CMC1: variants seen among roughly 807,000 people sequenced by gnomAD.
CMC1 encodes COX assembly mitochondrial protein homolog.
In CMC1, 14 loss-of-function variants were observed where a neutral mutation model predicts 14.1. The ratio of observed to expected loss-of-function variants is 0.99; its 90% CI spans 0.66 to 1.55. CMC1 has a LOEUF of 1.55. Ranked by LOEUF, CMC1 falls within the 40% of genes most tolerant of loss-of-function variation. The probability of loss-of-function intolerance (pLI) is 0.00; values close to 1 mark genes in which losing one functional copy is unlikely to be tolerated. For missense variants in CMC1, 127 were observed against 123.8 expected (o/e 1.03, Z -0.12); for synonymous variants, 50 against 38.4 (o/e 1.30, Z -1.12).
chr3:28,279,570 A>C (rs1700763251), intron 2 of CMC1, among the ~76,000 whole-genome samples: 1 of 152,128 alleles, frequency 6.6e-6, no homozygotes, highest in African/African-American at 2.4e-5. Flanking sequence ...ACCATAAGGG[A>C]AAATATGTTT....
chr3:28,252,227 A>G (rs1699166452), intron 1 of CMC1, among the ~76,000 whole-genome samples: 1 of 152,178 alleles, frequency 6.6e-6, no homozygotes, highest in Non-Finnish European at 1.5e-5. Context: ...GCTATTGGGA[A>G]ATGGGCACAT....
At chr3:28,274,463 G>T (rs1177768380) in intron 2 of CMC1, among the ~76,000 whole-genome samples, 1 of 152,036 alleles carries the variant, frequency 6.6e-6, no homozygotes. Flanking sequence ...GGCTTGTAAG[G>T]TTTTTGCTGA....
chr3:28,265,293 A>G lies in CMC1; in HGVS notation c.109+1913A>G, dbSNP rs145873294. 5.8e-4 allele frequency among the ~76,000 whole-genome samples: 88 copies of G among 152,238 alleles called. 1 individual carries two copies. Among genetic ancestry groups the G allele is most frequent in the African/African-American group, 2.0e-3 (82 of 41,580 alleles). ...GATTCAAAACAATATTTTAGAATCT[A>G]AAATTGATAAGAGAATAAGAAGTCT... is the stretch of plus-strand genomic sequence containing the variant. On this transcript the variant is annotated intron_variant, in intron 2 of 3. Transcript: ENST00000466830.
In CMC1 at chr3:28,322,561, C is replaced by T. The variant is rs1449542882; in HGVS notation, c.*2932C>T. 1 of 151,468 alleles carries T rather than the reference C, an allele frequency of 6.6e-6. No homozygotes were observed. Among genetic ancestry groups the T allele is most frequent in the Non-Finnish European group, 1.5e-5 (1 of 67,368 alleles). The allele number at this position is 151,468 out of a possible 1,614,324, so 9.4% of individuals were successfully genotyped here. A position where few individuals can be genotyped will look rare whatever the true frequency, so the allele number is the denominator to read the frequency against. On this transcript the variant is annotated 3_prime_UTR_variant, in exon 4 of 4. Transcript: ENST00000466830. The stretch of plus-strand genomic sequence containing the variant: ...GCCACATGAGAAATAGTTTTTGCTG[C>T]TTTGTTATTACACAGGTAGTTGCTT...
chr3:28,321,360 TAGCCCA>T lies in CMC1; in HGVS notation c.*1732_*1737del, dbSNP rs1703184275. 3 of 151,590 alleles carry T rather than the reference TAGCCCA, an allele frequency of 2.0e-5. No individual in the cohort carries two copies. In the South Asian group the frequency reaches 6.2e-4, roughly 31 times the overall value. 9.4% of individuals were successfully genotyped at this position (151,590 alleles called of 1,614,324 possible). A position where few individuals can be genotyped will look rare whatever the true frequency, so the allele number is the denominator to read the frequency against. Reference sequence around the variant, plus strand: ...TTATAGCTTTGATTAAAATCAGAAGTAGCCCACTTCATGTAGAAAATTCACTTATGT... The same window carrying T: ...TTATAGCTTTGATTAAAATCAGAAGTCTTCATGTAGAAAATTCACTTATGT... On this transcript the variant is annotated 3_prime_UTR_variant, in exon 4 of 4. Transcript: ENST00000466830.
intron 1 of CMC1, among the ~76,000 whole-genome samples, chr3:28,257,278 C>T (rs1699464395): frequency 1.3e-5 from 2 of 152,086 alleles, no homozygotes; most frequent in Non-Finnish European, 2.9e-5. Context: ...TATATAACCA[C>T]TGTTGTAATT....
At position 28,324,493 on chromosome 3, in the gene CMC1, C is replaced by T. The variant is rs779589060; in HGVS notation, c.*4864C>T. The T allele has an allele frequency of 5.0e-6, 7 of 1,401,784 alleles. No homozygotes were observed. Among genetic ancestry groups the T allele is most frequent in the Non-Finnish European group, 6.6e-6 (7 of 1,065,430 alleles). 86.8% of individuals were successfully genotyped at this position (1,401,784 alleles called of 1,614,324 possible). On this transcript the variant is annotated 3_prime_UTR_variant, in exon 4 of 4. Coordinates refer to ENST00000466830, the MANE Select transcript of CMC1 (RefSeq NM_182523.2). Reference sequence around the variant, plus strand: ...ACAGACTAAATGTCAGTTTTCATTACATTTGTGATCATAAAATTCGATAAC... The same window carrying T: ...ACAGACTAAATGTCAGTTTTCATTATATTTGTGATCATAAAATTCGATAAC...
At chr3:28,263,085 G>A in intron 1 of CMC1, 1 of 488,836 alleles carries the variant, frequency 2.0e-6, no homozygotes, top group Admixed American at 4.2e-5. Context: ...CATGTTGCTT[G>A]TATTCCTCAC....
chr3:28,307,863 A>G (rs2125591808), intron 2 of CMC1, among the ~76,000 whole-genome samples: 1 of 152,358 alleles, frequency 6.6e-6, no homozygotes, highest in South Asian at 2.1e-4. Context: ...TCAAGGTGTT[A>G]GCAGAGCTGT....
intron 2 of CMC1, 136 bp downstream of exon 2, chr3:28,263,516 G>A (rs1699840970): frequency 1.9e-6 from 1 of 533,148 alleles, no homozygotes; most frequent in Non-Finnish European, 3.3e-6. Context: ...TGAAATACCA[G>A]TATTTCAGCT....
At chr3:28,303,554 A>T (rs1702161461) in intron 2 of CMC1, among the ~76,000 whole-genome samples, 1 of 152,138 alleles carries the variant, frequency 6.6e-6, no homozygotes, top group Non-Finnish European at 1.5e-5. Flanking sequence ...CCTTTACTAA[A>T]CTGAAGAGAT....
At chr3:28,318,423 C>G (rs933699632) in intron 3 of CMC1, 4 of 151,820 alleles carry the variant, frequency 2.6e-5, no homozygotes, top group Non-Finnish European at 4.4e-5. Context: ...TTCCCAAAAT[C>G]TCTTTGTACT....
At chr3:28,308,813 T>C (rs1702467913) in intron 2 of CMC1, among the ~76,000 whole-genome samples, 2 of 151,980 alleles carry the variant, frequency 1.3e-5, no homozygotes, top group Non-Finnish European at 2.9e-5. Flanking sequence ...TGAAACCCCA[T>C]CTCTACTAAA....
At position 28,276,510 on chromosome 3, in the gene CMC1, C is replaced by T. The variant is rs187589627; in HGVS notation, c.109+13130C>T. ...ATTTTATTGTTCTAATCTTCCTAGA[C>T]ATTAACTTTGAATTATTTTGCTATA... On this transcript the variant is annotated intron_variant, in intron 2 of 3. Transcript: ENST00000466830. Among the ~76,000 whole-genome samples, 36 of 152,288 alleles carry T rather than the reference C, an allele frequency of 2.4e-4. No individual in the cohort carries two copies. In the East Asian group the frequency reaches 6.6e-3, roughly 28 times the overall value.
intron 1 of CMC1, among the ~76,000 whole-genome samples, chr3:28,258,499 T>C (rs1699543755): frequency 6.6e-6 from 1 of 151,860 alleles, no homozygotes; most frequent in Non-Finnish European, 1.5e-5. Context: ...TTTTTTTTTT[T>C]TTCCATGTTA....
chr3:28,312,248 C>G (rs1273839881), intron 2 of CMC1, among the ~76,000 whole-genome samples: 2 of 152,010 alleles, frequency 1.3e-5, no homozygotes, highest in Admixed American at 1.3e-4. Flanking sequence ...CATTAAAGTA[C>G]TGAAAAGTTA....
rs57499697 is a variant in CMC1, at chr3:28,309,821, CCACACA to C, written c.110-6477_110-6472del. ...CCTTTTCTCCTGCAGCTGATATTTA[CCACACA>C]CACACACACACACACACACACACAC... On this transcript the variant is annotated intron_variant, in intron 2 of 3. Transcript: ENST00000466830. Among the ~76,000 whole-genome samples the C allele has an allele frequency of 8.1e-3, 1,067 of 131,848 alleles. 10 individuals carry two copies. Among genetic ancestry groups the C allele is most frequent in the Admixed American group, 0.031 (403 of 12,826 alleles). 86.5% of individuals were successfully genotyped at this position (131,848 alleles called of 152,430 possible). A position where few individuals can be genotyped will look rare whatever the true frequency, so the allele number is the denominator to read the frequency against.
At chr3:28,273,131 A>G (rs1403517397) in intron 2 of CMC1, among the ~76,000 whole-genome samples, 1 of 152,178 alleles carries the variant, frequency 6.6e-6, no homozygotes, top group Non-Finnish European at 1.5e-5. Context: ...GGTAGAATTC[A>G]GCTCTAAAAC....
intron 2 of CMC1, among the ~76,000 whole-genome samples, chr3:28,267,888 A>G (rs1700087996): frequency 6.6e-6 from 1 of 152,136 alleles, no homozygotes; most frequent in African/African-American, 2.4e-5. Context: ...CTTCTGTCCA[A>G]CTGTGTTACT....
Sources: allele counts gnomAD v4.1 joint callset (sites outside exome capture counted in the v4.1 genomes callset), GRCh38; gene constraint gnomAD v4.1.1; transcripts MANE v1.5; gene names NCBI Gene and HGNC (gene_info 2026-07-23, HGNC 2026-07-21).